The following KLF13 variants were observed in gnomAD, a reference collection of about 807,000 sequenced individuals.
KLF13 encodes the protein KLF transcription factor 13.
KLF13 carries 8 observed loss-of-function variants against 16.7 expected under a neutral mutation model. The ratio of observed to expected loss-of-function variants is 0.48; its 90% CI spans 0.28 to 0.87. KLF13 has a LOEUF of 0.87. Among genes scored for constraint, KLF13 ranks in the 40% least tolerant of loss-of-function variants. The pLI, the probability that KLF13 is intolerant of heterozygous loss-of-function variation, is 0.10. For missense variants in KLF13, 447 were observed against 452.2 expected (o/e 0.99, Z 0.10); for synonymous variants, 245 against 208.4 (o/e 1.18, Z -1.51).
chr15:31,388,191 A>G (rs2039815257), upstream of KLF13, among the ~76,000 whole-genome samples: 1 of 152,214 alleles, frequency 6.6e-6, no homozygotes, highest in African/African-American at 2.4e-5. Flanking sequence ...GGTAAGCATT[A>G]GAAACTGTTT....
chr15:31,372,510 C>G lies in KLF13; in HGVS notation c.*211C>G, dbSNP rs1276326891. 1.8e-6 allele frequency: 1 copy of G among 561,228 alleles called. No homozygotes were observed. The highest frequency in any genetic ancestry group is 3.0e-6 in the Non-Finnish European group (1 of 334,070). The allele number at this position is 561,228 out of a possible 1,614,324, so 34.8% of individuals were successfully genotyped here. A position where few individuals can be genotyped will look rare whatever the true frequency, so the allele number is the denominator to read the frequency against. On this transcript the variant is annotated 3_prime_UTR_variant, in exon 2 of 2. Coordinates refer to ENST00000307145, the MANE Select transcript of KLF13 (RefSeq NM_015995.4). ...CACCAAATTGCACAATAGATACACC[C>G]ACAAAGTTGAGATTCAGCGTTGTTG... is the stretch of plus-strand genomic sequence containing the variant.
At chr15:31,362,841 T>G (rs941606744) in intron 1 of KLF13, among the ~76,000 whole-genome samples, 1 of 152,218 alleles carries the variant, frequency 6.6e-6, no homozygotes, top group African/African-American at 2.4e-5. Flanking sequence ...TTTTCCTCAC[T>G]CAGCTTGGAG....
At chr15:31,344,774 G>C (rs940228629) in intron 1 of KLF13, among the ~76,000 whole-genome samples, 2 of 151,922 alleles carry the variant, frequency 1.3e-5, no homozygotes, top group Non-Finnish European at 2.9e-5. Context: ...GTGCAGAAAA[G>C]AGCTGGGAGG....
rs2039634358 is a variant in KLF13 at position 31,375,807 on chromosome 15, G to A, written c.*3508G>A. On this transcript the variant is annotated 3_prime_UTR_variant, in exon 2 of 2. Transcript: ENST00000307145. The stretch of plus-strand genomic sequence containing the variant: ...GCATAGGAATGGGCAGAGATGTCCT[G>A]GATGGGAACATGGTCCTGGAGGTGC... 1 of 152,268 alleles carries A rather than the reference G, an allele frequency of 6.6e-6. No individual in the cohort carries two copies. The highest frequency in any genetic ancestry group is 2.1e-4 in the South Asian group (1 of 4,828). The allele number at this position is 152,268 out of a possible 1,614,324, so 9.4% of individuals were successfully genotyped here.
At chr15:31,384,460 C>A (rs771476273) in intron 1 of KLF13, among the ~76,000 whole-genome samples, 16 of 152,160 alleles carry the variant, frequency 1.1e-4, no homozygotes, top group Admixed American at 2.0e-4. Flanking sequence ...GAGACAGAAC[C>A]AACTCAAGCA....
chr15:31,392,655 A>T (rs892548707), upstream of KLF13, among the ~76,000 whole-genome samples: 6 of 152,148 alleles, frequency 3.9e-5, no homozygotes, highest in Admixed American at 3.9e-4. Flanking sequence ...AGCTCGGAGG[A>T]AGGAGCCAGT....
At chr15:31,396,112 G>A (rs982454943) in intron 2 of KLF13, among the ~76,000 whole-genome samples, 22 of 152,206 alleles carry the variant, frequency 1.4e-4, no homozygotes, top group African/African-American at 4.3e-4. Flanking sequence ...TGCAACCTCC[G>A]TCTCCTGGGT....
At chr15:31,362,905 CTGTTA>C (rs2039411399) in intron 1 of KLF13, among the ~76,000 whole-genome samples, 1 of 152,192 alleles carries the variant, frequency 6.6e-6, no homozygotes, top group African/African-American at 2.4e-5. Flanking sequence ...CGATAGTGTT[CTGTTA>C]TATGTGCGTT....
chr15:31,423,139 G>GTATATATATACGTATA (rs1491468052), intron 1 of KLF13, among the ~76,000 whole-genome samples: 1 of 15,156 alleles, frequency 6.6e-5, no homozygotes, highest in African/African-American at 9.1e-4. Context: ...ATACGTATAC[G>GTATATATATACGTATA]TATACGTATA....
At chr15:31,380,308 A>T (rs1011112318), downstream of KLF13, among the ~76,000 whole-genome samples, 5 of 152,182 alleles carry the variant, frequency 3.3e-5, no homozygotes, top group African/African-American at 1.2e-4. Flanking sequence ...CAAATAAATT[A>T]ATAAAGAAGG....
chr15:31,327,853 G>C, intron 1 of KLF13, 64 bp downstream of exon 1: 2 of 1,274,466 alleles, frequency 1.6e-6, no homozygotes, highest in Non-Finnish European at 2.0e-6. Flanking sequence ...GCCCGACCAC[G>C]CCCCCGGAGT....
At chr15:31,349,918 A>G (rs1446104761) in intron 1 of KLF13, among the ~76,000 whole-genome samples, 1 of 152,226 alleles carries the variant, frequency 6.6e-6, no homozygotes, top group Non-Finnish European at 1.5e-5. Context: ...TGAATGGTAT[A>G]AAGTAACCAG....
In KLF13 at chr15:31,327,604, T is replaced by A; in HGVS notation, c.392T>A (p.Leu131Gln). The A allele has an allele frequency of 7.7e-7, 1 of 1,302,696 alleles. No individual in the cohort carries two copies. Among genetic ancestry groups the A allele is most frequent in the Non-Finnish European group, 9.9e-7 (1 of 1,011,324 alleles). 80.7% of individuals were successfully genotyped at this position (1,302,696 alleles called of 1,614,324 possible). A position where few individuals can be genotyped will look rare whatever the true frequency, so the allele number is the denominator to read the frequency against. Reference sequence around the variant, plus strand: ...AGCGAGCCGGAGCCCGAGGCGGGGCTGGAGCCCGAGCGGGAGCCGGGGCCC... The same window carrying A: ...AGCGAGCCGGAGCCCGAGGCGGGGCAGGAGCCCGAGCGGGAGCCGGGGCCC... Reference protein sequence around the residue: ...AWSEPEPEAGLEPEREPGPAG... With the variant: ...AWSEPEPEAGQEPEREPGPAG... Residue 131 changes from leucine (L) to glutamine (Q), a missense_variant, in exon 1 of 2, where the codon CTG becomes CAG. Physicochemically the swap from Leu to Gln is moderately radical, Grantham distance 113. Around this residue, in one of 2 missense-constraint regions of KLF13, gnomAD observed 359 missense variants for 282.8 expected, o/e 1.27. Coordinates refer to ENST00000307145, the MANE Select transcript of KLF13 (RefSeq NM_015995.4).
At chr15:31,393,876 G>C (rs2039912930) in intron 2 of KLF13, among the ~76,000 whole-genome samples, 2 of 152,296 alleles carry the variant, frequency 1.3e-5, no homozygotes, top group Admixed American at 1.3e-4. Context: ...ACCGGGTCGG[G>C]CTTCTGTCTG....
At chr15:31,353,423 G>A (rs984167280) in intron 1 of KLF13, among the ~76,000 whole-genome samples, 1 of 45,952 alleles carries the variant, frequency 2.2e-5, no homozygotes, top group Admixed American at 1.8e-4. Context: ...GGGGGGCCTG[G>A]GCTGGCAAAG....
downstream of KLF13, among the ~76,000 whole-genome samples, chr15:31,408,029 A>T (rs951576553): frequency 6.6e-6 from 1 of 152,234 alleles, no homozygotes; most frequent in Non-Finnish European, 1.5e-5. Context: ...TAACCAATGC[A>T]ATCATGTAAG....
intron 1 of KLF13, among the ~76,000 whole-genome samples, chr15:31,418,155 A>G (rs1274459991): frequency 3.3e-5 from 5 of 152,094 alleles, no homozygotes; most frequent in African/African-American, 9.7e-5. Context: ...TTTACACTTA[A>G]TTACATAAAA....
At chr15:31,432,652 G>T (rs2040488066) in intron 1 of KLF13, among the ~76,000 whole-genome samples, 1 of 151,752 alleles carries the variant, frequency 6.6e-6, no homozygotes, top group African/African-American at 2.4e-5. Flanking sequence ...GCCTTGCTTT[G>T]TTGCCCAGGC....
intron 1 of KLF13, chr15:31,393,357 T>A (rs1176960001): frequency 4.6e-5 from 7 of 152,504 alleles, no homozygotes; most frequent in Non-Finnish European, 7.3e-5. Flanking sequence ...TCTCCTCCAC[T>A]GCTCCCCCAT....
Sources: allele counts gnomAD v4.1 joint callset (sites outside exome capture counted in the v4.1 genomes callset), GRCh38; gene constraint gnomAD v4.1.1; regional missense constraint gnomAD v4.1.1; transcripts MANE v1.5; gene names NCBI Gene and HGNC (gene_info 2026-07-23, HGNC 2026-07-21).